The following NAALADL2 variants were observed in gnomAD, a reference collection of about 807,000 sequenced individuals.
NAALADL2 encodes inactive N-acetylated-alpha-linked acidic dipeptidase-like protein 2.
In NAALADL2, 76 loss-of-function variants were observed where a neutral mutation model predicts 87.2. That is an observed-to-expected ratio of 0.87 (90% CI 0.72 to 1.05). The LOEUF (loss-of-function observed/expected upper bound fraction) is 1.05, where lower values mean the gene tolerates loss of function less well. NAALADL2 is among the 50% of genes least tolerant of loss of function. NAALADL2 has a pLI of 0.00. For missense variants in NAALADL2, 1,089 were observed against 945.8 expected (o/e 1.15, Z -1.99); for synonymous variants, 354 against 331.0 (o/e 1.07, Z -0.75).
intron 3 of NAALADL2, among the ~76,000 whole-genome samples, chr3:174,820,053 G>A (rs1721252568): frequency 6.6e-6 from 1 of 152,008 alleles, no homozygotes; most frequent in Non-Finnish European, 1.5e-5. Flanking sequence ...GGGTTTAGTG[G>A]GGTTTGTAAT....
At position 175,698,485 on chromosome 3, in the gene NAALADL2, A is replaced by T. The variant is rs1017425088; in HGVS notation, c.1897-38821A>T. ...TGTATATATGTGTGTATATATATTT[A>T]TATATATATATATATATAAAATCTC... is the stretch of plus-strand genomic sequence containing the variant. On this transcript the variant is annotated intron_variant, in intron 11 of 13. Coordinates refer to ENST00000454872, the MANE Select transcript of NAALADL2 (RefSeq NM_207015.3). 7.9e-3 allele frequency among the ~76,000 whole-genome samples: 782 copies of T among 99,592 alleles called. 162 individuals are homozygous for T. Among genetic ancestry groups the T allele is most frequent in the African/African-American group, 0.034 (703 of 20,588 alleles). 65.3% of individuals were successfully genotyped at this position (99,592 alleles called of 152,430 possible). A position where few individuals can be genotyped will look rare whatever the true frequency, so the allele number is the denominator to read the frequency against.
chr3:175,293,029 T>A (rs1407241362), intron 4 of NAALADL2, among the ~76,000 whole-genome samples: 1 of 91,334 alleles, frequency 1.1e-5, no homozygotes, highest in Non-Finnish European at 1.9e-5. Context: ...AGAGCGAGAC[T>A]CCGTCTCAAA....
intron 9 of NAALADL2, among the ~76,000 whole-genome samples, chr3:175,494,079 T>C (rs1728483412): frequency 6.6e-6 from 1 of 151,994 alleles, no homozygotes; most frequent in Admixed American, 6.6e-5. Context: ...AAAAATATAA[T>C]TGTTTATAAG....
Position 174,752,284 on chromosome 3 carries a change from T to C in NAALADL2, c.-9+14538T>C, listed in dbSNP as rs56241775. On this transcript the variant is annotated intron_variant, in intron 3 of 3. Coordinates refer to the NAALADL2 transcript ENST00000434257. ...AGCCACCGCGCCCGGCCCAGATCTT[T>C]AAAGGTTTTAAAAAATTTTCCAGTG... Among the ~76,000 whole-genome samples, 1,119 of 152,272 alleles carry C rather than the reference T, an allele frequency of 7.3e-3. 9 individuals are homozygous for C. Among genetic ancestry groups the C allele is most frequent in the Non-Finnish European group, 0.013 (868 of 68,018 alleles).
chr3:175,353,888 A>C (rs1026159850), intron 5 of NAALADL2, among the ~76,000 whole-genome samples: 3 of 152,222 alleles, frequency 2.0e-5, no homozygotes, highest in Non-Finnish European at 4.4e-5. Context: ...ATGATAACCA[A>C]GAATTTAGTG....
chr3:174,638,057 A>G (rs549974512), intron 2 of NAALADL2, among the ~76,000 whole-genome samples: 1 of 152,302 alleles, frequency 6.6e-6, no homozygotes, highest in Admixed American at 6.5e-5. Context: ...TATCATAGTA[A>G]TAGGCTGATG....
At position 175,517,626 on chromosome 3, in the gene NAALADL2, G is replaced by A. The variant is rs150185170; in HGVS notation, c.1653+45868G>A. Reference sequence around the variant, plus strand: ...TACAATTAGAATTGACAACAAAACAGGTAATGAAGTGGCATCGTTGTCTGT... The same window carrying A: ...TACAATTAGAATTGACAACAAAACAAGTAATGAAGTGGCATCGTTGTCTGT... On this transcript the variant is annotated intron_variant, in intron 9 of 13. Transcript: ENST00000454872. 5.1e-3 allele frequency among the ~76,000 whole-genome samples: 772 copies of A among 152,190 alleles called. 3 individuals carry two copies. The highest frequency in any genetic ancestry group is 0.016 in the African/African-American group (674 of 41,518).
At chr3:174,506,482 A>G (rs533209572) in intron 1 of NAALADL2, among the ~76,000 whole-genome samples, 3 of 152,068 alleles carry the variant, frequency 2.0e-5, no homozygotes, top group Non-Finnish European at 4.4e-5. Context: ...CCTCCGGTCT[A>G]TGTCTTCATT....
At chr3:175,042,930 G>A (rs575062948) in intron 1 of NAALADL2, among the ~76,000 whole-genome samples, 99 of 151,774 alleles carry the variant, frequency 6.5e-4, no homozygotes, top group Non-Finnish European at 1.2e-3. Context: ...ACCCATGAGA[G>A]TTGATTCTTA....
At chr3:174,778,074 C>T (rs1715438074) in intron 3 of NAALADL2, among the ~76,000 whole-genome samples, 1 of 151,980 alleles carries the variant, frequency 6.6e-6, no homozygotes, top group Non-Finnish European at 1.5e-5. Flanking sequence ...TATATGCCTA[C>T]TGGTATTATG....
chr3:175,264,325 T>C (rs957273683), intron 4 of NAALADL2, among the ~76,000 whole-genome samples: 4 of 151,874 alleles, frequency 2.6e-5, no homozygotes, highest in African/African-American at 7.2e-5. Context: ...TGAAAATGCA[T>C]GCATGATAAA....
chr3:174,987,245 T>C (rs564655515), intron 1 of NAALADL2, among the ~76,000 whole-genome samples: 22 of 152,292 alleles, frequency 1.4e-4, no homozygotes, highest in African/African-American at 4.8e-4. Context: ...TTTAGAATTC[T>C]TGTAAAATAC....
chr3:174,804,739 A>T (rs1050914076), intron 3 of NAALADL2, among the ~76,000 whole-genome samples: 30 of 152,290 alleles, frequency 2.0e-4, no homozygotes, highest in African/African-American at 7.0e-4. Context: ...TTTTGAATAA[A>T]TCTAAAATCT....
chr3:174,687,376 T>A (rs1264877062), intron 2 of NAALADL2, among the ~76,000 whole-genome samples: 1 of 152,170 alleles, frequency 6.6e-6, no homozygotes, highest in Admixed American at 6.6e-5. Flanking sequence ...AATATGTTTT[T>A]ATCTTTTGCA....
chr3:175,569,054 A>G (rs1333310404), intron 9 of NAALADL2, among the ~76,000 whole-genome samples: 2 of 152,224 alleles, frequency 1.3e-5, no homozygotes, highest in Admixed American at 1.3e-4. Context: ...AAGTGAAAAT[A>G]AAGATTTTTA....
chr3:174,526,534 G>C (rs1328024404), intron 1 of NAALADL2, among the ~76,000 whole-genome samples: 1 of 152,134 alleles, frequency 6.6e-6, no homozygotes, highest in Admixed American at 6.5e-5. Flanking sequence ...ATTATTTGTG[G>C]TAAATGGATC....
chr3:175,780,907 T>C (rs1035289776), intron 13 of NAALADL2, among the ~76,000 whole-genome samples: 8 of 152,224 alleles, frequency 5.3e-5, no homozygotes, highest in African/African-American at 1.9e-4. Context: ...CCTTGCTATG[T>C]GTTCCTTGCC....
intron 2 of NAALADL2, among the ~76,000 whole-genome samples, chr3:174,628,151 T>C (rs1039355103): frequency 1.3e-5 from 2 of 152,160 alleles, no homozygotes; most frequent in Non-Finnish European, 2.9e-5. Flanking sequence ...TCTTTGAAGA[T>C]ACAAGTCATA....
chr3:175,612,873 A>G (rs530548823), intron 10 of NAALADL2, among the ~76,000 whole-genome samples: 45 of 152,158 alleles, frequency 3.0e-4, no homozygotes, highest in Non-Finnish European at 6.0e-4. Context: ...TGCATTCTCA[A>G]TGATACATAA....
Sources: gnomAD v4.1 joint callset for allele counts (sites outside exome capture counted in the v4.1 genomes callset) on GRCh38, gnomAD v4.1.1 for gene constraint, MANE v1.5 for transcripts, NCBI Gene and HGNC (gene_info 2026-07-23, HGNC 2026-07-21) for gene names.